Variants in LHFPL1 observed in about 807,000 individuals in gnomAD.
LHFPL1 encodes the protein LHFPL tetraspan subfamily member 1 protein.
A neutral mutation model predicts 12.1 loss-of-function variants in LHFPL1; 4 were observed. The observed-to-expected ratio is 0.33, with a 90% CI of 0.16 to 0.76. The LOEUF (loss-of-function observed/expected upper bound fraction) is 0.76. Ranked by LOEUF, LHFPL1 falls within the 30% of genes least tolerant of loss-of-function variation. The probability of loss-of-function intolerance (pLI) is 0.61; values close to 1 mark genes in which losing one functional copy is unlikely to be tolerated. For missense variants in LHFPL1, 141 were observed against 174.1 expected (o/e 0.81, Z 1.07); for synonymous variants, 52 against 61.9 (o/e 0.84, Z 0.75).
chrX:112,662,906 A>C (rs6643076), intron 2 of LHFPL1, among the ~76,000 whole-genome samples: 1 of 112,040 alleles, frequency 8.9e-6, no homozygotes, highest in African/African-American at 3.2e-5. Context: ...TTTAATAAAG[A>C]CTGAGTTTTC....
At chrX:112,655,288 G>A (rs902617053) in intron 3 of LHFPL1, among the ~76,000 whole-genome samples, 1 of 111,983 alleles carries the variant, frequency 8.9e-6, no homozygotes, top group Non-Finnish European at 1.9e-5. Context: ...TGGGGAATAG[G>A]AATTGGAGAC....
At chrX:112,632,191 T>A (rs1277863445) in intron 3 of LHFPL1, among the ~76,000 whole-genome samples, 1 of 111,326 alleles carries the variant, frequency 9.0e-6, no homozygotes, top group Non-Finnish European at 1.9e-5. Context: ...TAAAATAAAA[T>A]CAACTCCCTC....
At chrX:112,633,894 G>A (rs962429282) in intron 3 of LHFPL1, among the ~76,000 whole-genome samples, 1 of 111,609 alleles carries the variant, frequency 9.0e-6, no homozygotes, top group Non-Finnish European at 1.9e-5. Context: ...GTAAACTGAA[G>A]AATACCATAT....
chrX:112,641,543 C>G (rs1429045786), intron 3 of LHFPL1, among the ~76,000 whole-genome samples: 3 of 112,111 alleles, frequency 2.7e-5, no homozygotes, highest in Non-Finnish European at 5.6e-5. Flanking sequence ...TTTCTCCTTT[C>G]TGTGTTTCAG....
intron 3 of LHFPL1, among the ~76,000 whole-genome samples, chrX:112,643,831 G>A (rs945980137): frequency 1.8e-5 from 2 of 111,857 alleles, no homozygotes; most frequent in African/African-American, 6.5e-5. Context: ...GTGCAACACT[G>A]AGCATGCCAA....
chrX:112,652,564 A>G (rs760296177), intron 3 of LHFPL1, among the ~76,000 whole-genome samples: 1 of 112,329 alleles, frequency 8.9e-6, no homozygotes, highest in East Asian at 2.8e-4. Flanking sequence ...GTGTGATAGA[A>G]AAGTATGATG....
intron 1 of LHFPL1, among the ~76,000 whole-genome samples, chrX:112,674,707 A>G (rs949199586): frequency 3.6e-5 from 4 of 112,410 alleles, no homozygotes; most frequent in Admixed American, 9.4e-5. Flanking sequence ...ACTAATGATC[A>G]GGGAAATGCA....
chrX:112,663,971 T>G (rs1459558444), intron 2 of LHFPL1, among the ~76,000 whole-genome samples: 4 of 111,999 alleles, frequency 3.6e-5, no homozygotes, highest in African/African-American at 1.3e-4. Flanking sequence ...CCCTCGGTAT[T>G]CACAGGGGAT....
At chrX:112,656,839 G>C (rs1199200051) in intron 3 of LHFPL1, among the ~76,000 whole-genome samples, 1 of 111,911 alleles carries the variant, frequency 8.9e-6, no homozygotes, top group Non-Finnish European at 1.9e-5. Context: ...TACCCTAAAG[G>C]TGCTCAGAAC....
chrX:112,633,606 G>C (rs1299158026), intron 3 of LHFPL1, among the ~76,000 whole-genome samples: 1 of 111,442 alleles, frequency 9.0e-6, no homozygotes, highest in African/African-American at 3.3e-5. Context: ...TACTTGAATG[G>C]GTGAATGGAT....
In LHFPL1 at chrX:112,630,663, T is replaced by G. The variant is rs1470022716; in HGVS notation, c.*757A>C. 2.7e-5 allele frequency: 3 copies of G among 111,966 alleles called. No individual in the cohort carries two copies. The highest frequency in any genetic ancestry group is 5.6e-5 in the Non-Finnish European group (3 of 53,207). The allele number at this position is 111,966 out of a possible 1,213,427, so 9.2% of individuals were successfully genotyped here. A position where few individuals can be genotyped will look rare whatever the true frequency, so the allele number is the denominator to read the frequency against. On this transcript the variant is annotated 3_prime_UTR_variant, in exon 4 of 4. Transcript: ENST00000371968. Reference sequence around the variant, plus strand: ...AGAAACATCCTTGTCACTGTCACCATGAATTTAAATTTATTGAGTGCCCCA... The same window carrying G: ...AGAAACATCCTTGTCACTGTCACCAGGAATTTAAATTTATTGAGTGCCCCA...
chrX:112,671,851 G>A (rs1254915351), intron 1 of LHFPL1, among the ~76,000 whole-genome samples: 1 of 111,465 alleles, frequency 9.0e-6, no homozygotes, highest in African/African-American at 3.3e-5. Context: ...ATCTGAAGAG[G>A]ATCAGGAGCA....
chrX:112,631,933 T>G lies in LHFPL1; in HGVS notation c.482-332A>C, dbSNP rs181317224. Among the ~76,000 whole-genome samples, 193 of 111,809 alleles carry G rather than the reference T, an allele frequency of 1.7e-3. 1 individual carries two copies. The highest frequency in any genetic ancestry group is 5.9e-3 in the African/African-American group (182 of 30,759). On this transcript the variant is annotated intron_variant, in intron 3 of 3. Transcript: ENST00000371968. ...GATGTCAAGCATTATGCTAAGCTCT[T>G]TAAACATATACCTCATTGATCATTA...
At chrX:112,662,976 A>T (rs991478133) in intron 2 of LHFPL1, among the ~76,000 whole-genome samples, 2 of 112,089 alleles carry the variant, frequency 1.8e-5, no homozygotes, top group African/African-American at 6.5e-5. Context: ...TCTATTTTCT[A>T]ACCTTCACAT....
In LHFPL1 at chrX:112,643,102, C is replaced by T. The variant is rs761778526; in HGVS notation, c.482-11501G>A. Among the ~76,000 whole-genome samples, 211 of 104,043 alleles carry T rather than the reference C, an allele frequency of 2.0e-3. 1 individual carries two copies. Among genetic ancestry groups the T allele is most frequent in the African/African-American group, 7.2e-3 (204 of 28,336 alleles). 90.3% of individuals were successfully genotyped at this position (104,043 alleles called of 115,157 possible). On this transcript the variant is annotated intron_variant, in intron 3 of 3. Coordinates refer to ENST00000371968, the MANE Select transcript of LHFPL1 (RefSeq NM_178175.4). ...ATTTAAAAAAAAAAAAAAAAAAAGC[C>T]GGGCGCAGTGGCTCACGCCTGTAAT...
At chrX:112,653,816 T>C (rs1340160467) in intron 3 of LHFPL1, among the ~76,000 whole-genome samples, 1 of 112,651 alleles carries the variant, frequency 8.9e-6, no homozygotes, top group East Asian at 2.8e-4. Flanking sequence ...TTTTAAAGAA[T>C]TGTAATTGCA....
At chrX:112,654,738 T>C (rs906930256) in intron 3 of LHFPL1, among the ~76,000 whole-genome samples, 1 of 111,379 alleles carries the variant, frequency 9.0e-6, no homozygotes, top group African/African-American at 3.3e-5. Flanking sequence ...GTCACATACA[T>C]GAATTATTTT....
chrX:112,657,909 C>CAAAAAAAAAA (rs57793060), intron 3 of LHFPL1, among the ~76,000 whole-genome samples: 19 of 61,261 alleles, frequency 3.1e-4, no homozygotes, highest in African/African-American at 8.3e-4. Flanking sequence ...AAAACAGAAG[C>CAAAAAAAAAA]AAAAAAAAAA....
chrX:112,635,252 A>G (rs756405876), intron 3 of LHFPL1, among the ~76,000 whole-genome samples: 1 of 112,697 alleles, frequency 8.9e-6, no homozygotes, highest in South Asian at 3.7e-4. Flanking sequence ...AGTACCGACT[A>G]TATGCTAGGC....
Sources: gnomAD v4.1 joint callset for allele counts (sites outside exome capture counted in the v4.1 genomes callset) on GRCh38, gnomAD v4.1.1 for gene constraint, MANE v1.5 for transcripts, NCBI Gene and HGNC (gene_info 2026-07-23, HGNC 2026-07-21) for gene names.